NAPA: variants seen among roughly 807,000 people sequenced by gnomAD.
NAPA encodes NSF attachment protein alpha, also known as alpha-soluble NSF attachment protein.
In NAPA, 18 loss-of-function variants were observed where a neutral mutation model predicts 48.0. That is an observed-to-expected ratio of 0.38 (90% CI 0.26 to 0.56). The LOEUF (loss-of-function observed/expected upper bound fraction) is 0.56, where lower values mean the gene tolerates loss of function less well. NAPA is among the 20% of genes least tolerant of loss of function. The pLI is 0.77. For synonymous variants in NAPA, 152 were observed against 149.9 expected (o/e 1.01, Z -0.10); for missense variants, 315 against 385.0 (o/e 0.82, Z 1.52).
Position 47,514,944 on chromosome 19 carries a change from G to A in NAPA, c.-4C>T, listed in dbSNP as rs747879606. ...CTTCCTTCCCGGAATTGTCCATGGC[G>A]GCCACAAAGGGACTCAGCAAAGCGC... On this transcript the variant is annotated 5_prime_UTR_variant, in exon 1 of 11. Coordinates refer to ENST00000263354, the MANE Select transcript of NAPA (RefSeq NM_003827.4). 26 of 1,613,506 alleles carry A rather than the reference G, an allele frequency of 1.6e-5. No homozygotes were observed. Among genetic ancestry groups the A allele is most frequent in the Non-Finnish European group, 2.2e-5 (26 of 1,179,784 alleles).
At position 47,493,245 on chromosome 19, in the gene NAPA, C is replaced by A; in HGVS notation, c.421-71G>T. The A allele has an allele frequency of 6.6e-7, 1 of 1,516,074 alleles. No homozygotes were observed. Among genetic ancestry groups the A allele is most frequent in the Admixed American group, 1.8e-5 (1 of 56,042 alleles). 93.9% of individuals were successfully genotyped at this position (1,516,074 alleles called of 1,614,324 possible). A position where few individuals can be genotyped will look rare whatever the true frequency, so the allele number is the denominator to read the frequency against. The stretch of plus-strand genomic sequence containing the variant: ...AGAGGAGGCCTCCGTGAAGCTTCCA[C>A]ACCCTCCGCCCTGCCTGCCTGGGAC... On this transcript the variant is annotated intron_variant, in intron 5 of 10. Coordinates refer to ENST00000263354, the MANE Select transcript of NAPA (RefSeq NM_003827.4). The surrounding 1 kb of genome is among the most constrained non-coding windows in gnomAD (Gnocchi z 6.4).
intron 8 of NAPA, chr19:47,491,527 C>A: frequency 6.5e-6 from 1 of 154,854 alleles, no homozygotes; most frequent in Non-Finnish European, 1.4e-5. Context: ...CTGGCCACGC[C>A]CCCTCCCACT....
chr19:47,494,757 A>AAG lies in NAPA; in HGVS notation c.342+791_342+792dup, dbSNP rs1208593556. 3.3e-3 allele frequency among the ~76,000 whole-genome samples: 482 copies of AAG among 145,586 alleles called. 3 individuals carry two copies. Among genetic ancestry groups the AAG allele is most frequent in the Non-Finnish European group, 5.6e-3 (374 of 66,620 alleles). On this transcript the variant is annotated intron_variant, in intron 4 of 10. Transcript: ENST00000263354. ...TCTCAAAAAAAAAAAAAAAAAAAAAAAGAGAGAGAGAGAAAGCACTGACAG... is the reference window on the plus strand; with the variant it reads ...TCTCAAAAAAAAAAAAAAAAAAAAAAAGAGAGAGAGAGAGAAAGCACTGACAG...
intron 9 of NAPA, among the ~76,000 whole-genome samples, chr19:47,490,223 GGT>G (rs1482173585): frequency 4.8e-5 from 7 of 146,894 alleles, no homozygotes; most frequent in South Asian, 4.4e-4. Context: ...TGTCATGTGT[GGT>G]GTGTGTGCAG....
intron 3 of NAPA, chr19:47,496,771 T>TG (rs1364336121): frequency 2.3e-6 from 1 of 433,540 alleles, no homozygotes; most frequent in Non-Finnish European, 4.7e-6. Flanking sequence ...CAGAGGCTCT[T>TG]TGTCTCAGGT....
In NAPA at chr19:47,491,242, A is replaced by G. The variant is rs76290402; in HGVS notation, c.667-386T>C. ...TGAGCCCCCTTTTCAAAGTGAGGAA[A>G]CAGATCCAGAGAGGGGCAGTGACCT... is the stretch of plus-strand genomic sequence containing the variant. On this transcript the variant is annotated intron_variant, in intron 8 of 10. Coordinates refer to ENST00000263354, the MANE Select transcript of NAPA (RefSeq NM_003827.4). 21 of 202,082 alleles carry G rather than the reference A, an allele frequency of 1.0e-4. 1 individual carries two copies. The highest frequency in any genetic ancestry group is 2.1e-4 in the Non-Finnish European group (21 of 98,890). The allele number at this position is 202,082 out of a possible 1,614,324, so 12.5% of individuals were successfully genotyped here.
At position 47,503,604 on chromosome 19, in the gene NAPA, C is replaced by G. The variant is rs888427610; in HGVS notation, c.99-102G>C. ...CGGGCACAGACGTGCCCCTACCCCT[C>G]ACCCTTCACCTGTGAAGCCAGCTTC... On this transcript the variant is annotated intron_variant, in intron 1 of 10. Coordinates refer to ENST00000263354, the MANE Select transcript of NAPA (RefSeq NM_003827.4). The G allele has an allele frequency of 3.7e-6, 4 of 1,093,630 alleles. No individual in the cohort carries two copies. The East Asian group carries it at 9.7e-5, about 27-fold the overall frequency. The allele number at this position is 1,093,630 out of a possible 1,614,324, so 67.7% of individuals were successfully genotyped here.
chr19:47,510,798 TGCTG>T (rs1182144248), intron 1 of NAPA, among the ~76,000 whole-genome samples: 1 of 152,194 alleles, frequency 6.6e-6, no homozygotes, highest in African/African-American at 2.4e-5. Flanking sequence ...CCCCTTCTGC[TGCTG>T]GCTCACTGTG....
intron 9 of NAPA, among the ~76,000 whole-genome samples, chr19:47,490,005 A>ATGTG: frequency 6.6e-6 from 1 of 151,558 alleles, no homozygotes; most frequent in East Asian, 1.9e-4. Context: ...ATCACACAGA[A>ATGTG]TGTGTGTGTG....
At chr19:47,485,515 C>T (rs868775877), downstream of NAPA, among the ~76,000 whole-genome samples, 1 of 152,204 alleles carries the variant, frequency 6.6e-6, no homozygotes, top group Non-Finnish European at 1.5e-5. Context: ...GGCCAGCTGT[C>T]CTGGACACCT....
chr19:47,490,906 GA>G, intron 8 of NAPA, 50 bp from the exon 9 acceptor site: 1 of 1,552,238 alleles, frequency 6.4e-7, no homozygotes, highest in African/African-American at 1.4e-5. Flanking sequence ...AGGGTCCTCA[GA>G]GCTACTGGCC....
At chr19:47,490,733 C>T (rs995385228) in intron 9 of NAPA, 55 bp downstream of exon 9, 14 of 1,532,114 alleles carry the variant, frequency 9.1e-6, no homozygotes, top group Admixed American at 1.8e-5. Flanking sequence ...CCTGGAGCCC[C>T]AGCCACCCCC....
chr19:47,492,239 T>A, intron 7 of NAPA, 120 bp from the exon 8 acceptor site: 1 of 851,176 alleles, frequency 1.2e-6, no homozygotes, highest in Non-Finnish European at 1.9e-6. Context: ...GAGGCCCTGT[T>A]AACCCAGGAC....
chr19:47,503,440 AT>A lies in NAPA; in HGVS notation c.160del (p.Met54TrpfsTer51). On this transcript the variant is annotated frameshift_variant, in exon 2 of 11. Coordinates refer to ENST00000263354, the MANE Select transcript of NAPA (RefSeq NM_003827.4). LOFTEE classifies it high-confidence loss of function. Reference protein sequence around the residue: ...IYARAANMFKMAKNWSAAGNA... With the variant: ...IYARAANMFKXAKNWSAAGNA... ...TGACATACCACTCCAGTTTTTGGCC[AT>A]TTTGAACATGTTTGCTGCTCTGGCG... 6.2e-7 allele frequency: 1 copy of A among 1,614,196 alleles called. No individual in the cohort carries two copies.
rs1351309092 is a variant in NAPA at position 47,514,861 on chromosome 19, A to G, written c.80T>C (p.Phe27Ser). 2.5e-6 allele frequency: 4 copies of G among 1,613,900 alleles called. No individual in the cohort carries two copies. In the African/African-American group the frequency reaches 5.3e-5, roughly 22 times the overall value. ...AERKVKNSQS[F>S]FSGLFGGSSK... Reference sequence around the variant, plus strand: ...TTCTCACCCAAAGAGGCCAGAGAAGAAGGACTGCGAGTTCTTCACTTTGCG... The same window carrying G: ...TTCTCACCCAAAGAGGCCAGAGAAGGAGGACTGCGAGTTCTTCACTTTGCG... The change falls in exon 1 of 11, where the codon TTC (phenylalanine) becomes TCC (serine). Residue 27 changes from phenylalanine to serine, a missense_variant. This residue lies in a region of NAPA where 173 missense variants were observed against 213.5 expected (regional missense o/e 0.81). Coordinates refer to ENST00000263354, the MANE Select transcript of NAPA (RefSeq NM_003827.4).
chr19:47,490,005 A>ATG (rs761953603), intron 9 of NAPA, among the ~76,000 whole-genome samples: 2 of 151,442 alleles, frequency 1.3e-5, no homozygotes, highest in African/African-American at 4.9e-5. Flanking sequence ...ATCACACAGA[A>ATG]TGTGTGTGTG....
At chr19:47,486,160 G>T (rs989312278), downstream of NAPA, among the ~76,000 whole-genome samples, 3 of 152,170 alleles carry the variant, frequency 2.0e-5, no homozygotes, top group Non-Finnish European at 4.4e-5. Context: ...TTTGAGACCA[G>T]CCTGGCCAAC....
intron 9 of NAPA, 28 bp downstream of exon 9, chr19:47,490,760 G>A (rs766175658): frequency 6.2e-7 from 1 of 1,608,580 alleles, no homozygotes; most frequent in South Asian, 1.1e-5. Flanking sequence ...GGTTCGGGAA[G>A]GGGGAGGCCG....
At chr19:47,492,354 C>T (rs548435335) in intron 7 of NAPA, 2 of 526,976 alleles carry the variant, frequency 3.8e-6, no homozygotes, top group Admixed American at 3.3e-5. Context: ...GAGGCTGTAG[C>T]CAGGTGTTCG....
Sources: gnomAD v4.1 joint callset for allele counts (sites outside exome capture counted in the v4.1 genomes callset) on GRCh38, gnomAD v4.1.1 for gene constraint, gnomAD v4.1.1 regional missense constraint, Gnocchi (gnomAD v3.1) non-coding constraint, MANE v1.5 for transcripts, NCBI Gene and HGNC (gene_info 2026-07-23, HGNC 2026-07-21) for gene names.